SAMD5: variants seen among roughly 807,000 people sequenced by gnomAD.
SAMD5 encodes the protein sterile alpha motif domain containing 5.
A neutral mutation model predicts 11.3 loss-of-function variants in SAMD5; 13 were observed. The observed-to-expected ratio is 1.15, with a 90% CI of 0.75 to 1.83. SAMD5 has a LOEUF of 1.83. SAMD5 is among the 40% of genes most tolerant of loss of function. SAMD5 has a pLI of 0.00. For synonymous variants in SAMD5, 129 were observed against 111.3 expected (o/e 1.16, Z -1.00); for missense variants, 255 against 239.1 (o/e 1.07, Z -0.44).
At chr6:147,641,950 A>G (rs9497834) in intron 1 of SAMD5, among the ~76,000 whole-genome samples, 9,326 of 152,258 alleles carry the variant, frequency 0.061, 941 homozygotes, top group African/African-American at 0.21. Flanking sequence ...TTTCTGTCAT[A>G]CAACAATGAC....
the SAMD5 span, among the ~76,000 whole-genome samples, chr6:147,922,234 C>T: frequency 6.6e-6 from 1 of 152,138 alleles, no homozygotes; most frequent in Non-Finnish European, 1.5e-5. Flanking sequence ...CTACACTTAA[C>T]CCTCTCCATG....
At chr6:147,680,606 A>T (rs1046997630) in intron 1 of SAMD5, among the ~76,000 whole-genome samples, 5 of 152,016 alleles carry the variant, frequency 3.3e-5, no homozygotes, top group Non-Finnish European at 5.9e-5. Flanking sequence ...GGTGGAACGC[A>T]TTCACTCTTT....
the SAMD5 span, among the ~76,000 whole-genome samples, chr6:147,753,585 AT>A: frequency 3.3e-5 from 5 of 152,138 alleles, no homozygotes; most frequent in African/African-American, 9.7e-5. Flanking sequence ...TCTTTAAGTC[AT>A]TTTAAAGTGT....
chr6:147,899,973 A>G, the SAMD5 span, among the ~76,000 whole-genome samples: 6 of 152,326 alleles, frequency 3.9e-5, no homozygotes, highest in African/African-American at 9.6e-5. Flanking sequence ...CCAGAGAAAG[A>G]AGGAAGAAGG....
chr6:147,850,804 C>T, the SAMD5 span, among the ~76,000 whole-genome samples: 5 of 151,852 alleles, frequency 3.3e-5, no homozygotes, highest in Admixed American at 6.6e-5. Flanking sequence ...TTGTGCTATG[C>T]CCATTTAGTC....
intron 1 of SAMD5, among the ~76,000 whole-genome samples, chr6:147,716,327 A>C (rs1408332422): frequency 1.3e-5 from 2 of 152,168 alleles, no homozygotes; most frequent in African/African-American, 4.8e-5. Context: ...CCTTGCTCCG[A>C]GATCAGAGTG....
chr6:147,596,265 C>T (rs991138209), intron 1 of SAMD5, among the ~76,000 whole-genome samples: 1 of 152,194 alleles, frequency 6.6e-6, no homozygotes, highest in Admixed American at 6.5e-5. Context: ...AGCAATATAT[C>T]ATAGTATAGA....
the SAMD5 span, among the ~76,000 whole-genome samples, chr6:147,910,300 G>A: frequency 1.3e-5 from 2 of 152,212 alleles, no homozygotes; most frequent in Non-Finnish European, 2.9e-5. Context: ...GGCAAGTGGC[G>A]TATCTGGGGG....
chr6:147,918,190 C>A, the SAMD5 span, among the ~76,000 whole-genome samples: 1 of 152,156 alleles, frequency 6.6e-6, no homozygotes, highest in Non-Finnish European at 1.5e-5. Context: ...TCTTCCTAAC[C>A]ATGAGCATGG....
chr6:147,673,465 G>A (rs970992606), intron 1 of SAMD5, among the ~76,000 whole-genome samples: 4 of 151,868 alleles, frequency 2.6e-5, no homozygotes, highest in Non-Finnish European at 4.4e-5. Context: ...CGTCTGCCTC[G>A]GCCTCCTGAA....
chr6:147,932,858 T>C, the SAMD5 span, among the ~76,000 whole-genome samples: 261 of 152,284 alleles, frequency 1.7e-3, 1 homozygote, highest in African/African-American at 5.9e-3. Flanking sequence ...CGATGACTGA[T>C]GTGCTTTTCT....
At chr6:147,640,534 A>G (rs1021537634) in intron 1 of SAMD5, among the ~76,000 whole-genome samples, 13 of 148,918 alleles carry the variant, frequency 8.7e-5, no homozygotes, top group African/African-American at 2.7e-4. Context: ...AATAACAGAC[A>G]TAAAATTAAG....
At chr6:147,686,287 A>G (rs1791010206) in intron 1 of SAMD5, among the ~76,000 whole-genome samples, 1 of 152,172 alleles carries the variant, frequency 6.6e-6, no homozygotes, top group South Asian at 2.1e-4. Flanking sequence ...ATGTAGTCCA[A>G]TTTATAAAAT....
intron 1 of SAMD5, among the ~76,000 whole-genome samples, chr6:147,625,892 C>G (rs1790044397): frequency 6.6e-6 from 1 of 152,272 alleles, no homozygotes; most frequent in South Asian, 2.1e-4. Flanking sequence ...CACTTTGGTT[C>G]CAGGCCACAG....
chr6:147,510,481 C>T (rs950113259), intron 1 of SAMD5, among the ~76,000 whole-genome samples: 8 of 152,132 alleles, frequency 5.3e-5, no homozygotes, highest in Non-Finnish European at 1.2e-4. Flanking sequence ...AAAATGATGG[C>T]AAACATACTC....
At chr6:147,700,260 C>T (rs1313607074) in intron 1 of SAMD5, among the ~76,000 whole-genome samples, 3 of 152,136 alleles carry the variant, frequency 2.0e-5, no homozygotes, top group East Asian at 3.9e-4. Context: ...TCCTGCCTTG[C>T]GTGATCCTAA....
In SAMD5 at chr6:147,637,314, A is replaced by G. The variant is rs151273957; in HGVS notation, c.163-100003A>G. Among the ~76,000 whole-genome samples, 106 of 152,324 alleles carry G rather than the reference A, an allele frequency of 7.0e-4. No homozygotes were observed. In the East Asian group the frequency reaches 0.018, roughly 25 times the overall value. ...CAGGCTCTCCATAAACCTCACACTT[A>G]ATGGAATAAGCTCATTTCAGCTCCA... On this transcript the variant is annotated intron_variant, in intron 1 of 1. Transcript: ENST00000566741.
chr6:147,816,194 C>G, the SAMD5 span, among the ~76,000 whole-genome samples: 1 of 146,406 alleles, frequency 6.8e-6, no homozygotes, highest in Admixed American at 7.0e-5. Context: ...GCAGGATAAT[C>G]GCTTGAACCC....
At chr6:147,656,112 T>C (rs1210536307) in intron 1 of SAMD5, among the ~76,000 whole-genome samples, 4 of 152,174 alleles carry the variant, frequency 2.6e-5, no homozygotes, top group Non-Finnish European at 5.9e-5. Context: ...ATAAATGGTG[T>C]TGGGACAACT....
Sources: gnomAD v4.1 joint callset for allele counts (sites outside exome capture counted in the v4.1 genomes callset) on GRCh38, gnomAD v4.1.1 for gene constraint, MANE v1.5 for transcripts, NCBI Gene and HGNC (gene_info 2026-07-23, HGNC 2026-07-21) for gene names.